The following ARHGEF11 variants were observed in gnomAD, a reference collection of about 807,000 sequenced individuals.
The protein encoded by ARHGEF11 is Rho guanine exchange factor (GEF) 11.
ARHGEF11 carries 55 observed loss-of-function variants against 193.7 expected under a neutral mutation model. That is an observed-to-expected ratio of 0.28 (90% confidence interval 0.23 to 0.36). The LOEUF (loss-of-function observed/expected upper bound fraction) is 0.36, where lower values mean the gene tolerates loss of function less well. ARHGEF11 is among the 10% of genes least tolerant of loss of function. The pLI is 1.00. For synonymous variants in ARHGEF11, 693 were observed against 768.0 expected, an observed-to-expected ratio of 0.90 and a Z score of 1.62; for missense variants, 1,723 against 2,005.6, an observed-to-expected ratio of 0.86 and a Z score of 2.69.
intron 1 of ARHGEF11, among the ~76,000 whole-genome samples, chr1:157,008,412 A>G (rs1037094808): frequency 7.3e-4 from 109 of 149,138 alleles, no homozygotes; most frequent in Non-Finnish European, 1.3e-3. Context: ...GCACGCACAC[A>G]CACACACACA....
At chr1:157,043,696 G>A (rs890621224) in intron 1 of ARHGEF11, among the ~76,000 whole-genome samples, 1 of 152,220 alleles carries the variant, frequency 6.6e-6, no homozygotes, top group Non-Finnish European at 1.5e-5. Flanking sequence ...GCTTGGAGGA[G>A]AGGAAATTCT....
chr1:156,980,543 C>A lies in ARHGEF11; in HGVS notation c.224-57G>T, dbSNP rs368852567. On this transcript the variant is annotated intron_variant, in intron 3 of 40. Transcript: ENST00000368194. ...AACAACCTCTTCCACTGAAGCTACA[C>A]GAAGGTCCCTGTCAGATCACCTCTC... 3.7e-5 allele frequency: 57 copies of A among 1,544,120 alleles called. No individual in the cohort carries two copies. The African/African-American group carries it at 4.9e-4, about 13-fold the overall frequency.
chr1:156,983,246 G>A (rs930599293), intron 3 of ARHGEF11, among the ~76,000 whole-genome samples: 8 of 151,402 alleles, frequency 5.3e-5, no homozygotes, highest in African/African-American at 7.3e-5. Context: ...TTTTTGAGAC[G>A]GAGTCTCGCT....
intron 7 of ARHGEF11, 98 bp from the exon 8 acceptor site, chr1:156,971,914 C>T (rs1662548466): frequency 7.1e-7 from 1 of 1,409,810 alleles, no homozygotes; most frequent in East Asian, 2.4e-5. Flanking sequence ...GGCAGTTATC[C>T]CAAAACAAAG....
chr1:157,037,001 A>G (rs1304769033), intron 1 of ARHGEF11, among the ~76,000 whole-genome samples: 1 of 151,992 alleles, frequency 6.6e-6, no homozygotes, highest in Non-Finnish European at 1.5e-5. Context: ...GGGATCAGGC[A>G]CCTGTAATCC....
At chr1:156,961,628 T>C (rs376067087) in intron 14 of ARHGEF11, 49 bp downstream of exon 14, 2 of 1,532,060 alleles carry the variant, frequency 1.3e-6, no homozygotes, top group Non-Finnish European at 1.8e-6. Flanking sequence ...TGCCTCTGAG[T>C]AGTTCAAAGA....
At chr1:156,986,658 G>A (rs1402028260) in intron 1 of ARHGEF11, among the ~76,000 whole-genome samples, 8 of 152,186 alleles carry the variant, frequency 5.3e-5, no homozygotes, top group Non-Finnish European at 1.0e-4. Flanking sequence ...ACATACAGAG[G>A]TCTGCATGAG....
At chr1:156,968,859 C>G (rs1662107002) in intron 10 of ARHGEF11, among the ~76,000 whole-genome samples, 1 of 152,102 alleles carries the variant, frequency 6.6e-6, no homozygotes, top group Non-Finnish European at 1.5e-5. Context: ...AGAAAAAGAT[C>G]CACAGCAAAA....
chr1:156,955,372 C>A (rs1659797068), intron 20 of ARHGEF11, among the ~76,000 whole-genome samples: 1 of 152,112 alleles, frequency 6.6e-6, no homozygotes, highest in Non-Finnish European at 1.5e-5. Flanking sequence ...AATTATAGAC[C>A]CTTGGATGAA....
chr1:157,026,817 T>C (rs1227995582), intron 1 of ARHGEF11, among the ~76,000 whole-genome samples: 1 of 152,238 alleles, frequency 6.6e-6, no homozygotes, highest in African/African-American at 2.4e-5. Flanking sequence ...ACTGTTATTA[T>C]GGATCTATCC....
intron 8 of ARHGEF11, 111 bp from the exon 9 acceptor site, chr1:156,970,154 C>A: frequency 1.1e-6 from 1 of 875,092 alleles, no homozygotes; most frequent in East Asian, 2.5e-5. Flanking sequence ...TCTTCCGCTT[C>A]ATTGCCTCAA....
At chr1:156,996,597 C>T (rs976442601) in intron 1 of ARHGEF11, among the ~76,000 whole-genome samples, 1 of 151,634 alleles carries the variant, frequency 6.6e-6, no homozygotes, top group African/African-American at 2.4e-5. Context: ...CACGGTGAAA[C>T]CCCGTCTCTA....
chr1:157,010,566 C>T (rs893438822), intron 1 of ARHGEF11, among the ~76,000 whole-genome samples: 1 of 142,226 alleles, frequency 7.0e-6, no homozygotes, highest in South Asian at 2.5e-4. Flanking sequence ...ATTAGCCTGG[C>T]TAATTTTTAT....
intron 1 of ARHGEF11, among the ~76,000 whole-genome samples, chr1:157,035,362 C>T (rs1750802): frequency 5.9e-5 from 9 of 151,628 alleles, no homozygotes; most frequent in Non-Finnish European, 5.9e-5. Flanking sequence ...GCCCTAACAA[C>T]ACTCACCGTA....
chr1:157,038,709 A>C (rs1347649705), intron 1 of ARHGEF11, among the ~76,000 whole-genome samples: 1 of 152,154 alleles, frequency 6.6e-6, no homozygotes, highest in East Asian at 1.9e-4. Context: ...TAGTACAATA[A>C]ATTGGGGTAT....
chr1:157,005,561 C>A (rs1667724820), intron 1 of ARHGEF11, among the ~76,000 whole-genome samples: 1 of 152,168 alleles, frequency 6.6e-6, no homozygotes, highest in African/African-American at 2.4e-5. Flanking sequence ...GAAATGCCCC[C>A]AAACAGTTCT....
chr1:156,962,902 A>AC (rs1661151868), intron 13 of ARHGEF11, among the ~76,000 whole-genome samples: 1 of 150,926 alleles, frequency 6.6e-6, no homozygotes, highest in Non-Finnish European at 1.5e-5. Context: ...AAAAAAAAAA[A>AC]AAAAAACTCT....
In ARHGEF11 at chr1:156,977,031, G is replaced by A; in HGVS notation, c.534C>T (p.Ala178=). 2.5e-6 allele frequency: 4 copies of A among 1,613,956 alleles called. No homozygotes were observed. The highest frequency in any genetic ancestry group is 3.4e-6 in the Non-Finnish European group (4 of 1,179,938). ...TCAGCATATTCCTGAGGATCTGGGTGGCATGTTTTTGAACTTCGGGATCCT... is the reference window on the plus strand; with the variant it reads ...TCAGCATATTCCTGAGGATCTGGGTAGCATGTTTTTGAACTTCGGGATCCT... The part of the protein sequence containing the change: ...PLQDPEVQKH[A]TQILRNMLRQ... The change falls in exon 7 of 41, where the codon GCC becomes GCT. Residue 178 remains alanine, a synonymous_variant. Transcript: ENST00000368194.
rs1663546288 is a variant in ARHGEF11, at chr1:156,978,214, T to C, written c.500A>G (p.Lys167Arg). 1.9e-6 allele frequency: 3 copies of C among 1,614,124 alleles called. No homozygotes were observed. Among genetic ancestry groups the C allele is most frequent in the South Asian group, 1.1e-5 (1 of 91,070 alleles). ...LPPPQRITGP[K>R]PLQDPEVQKH... ...CAGGAGGATTATTACCTGCAGAGGT[T>C]TGGGTCCTGTGATGCGTTGTGGAGG... The change falls in exon 6 of 41, where the codon AAA (lysine) becomes AGA (arginine). Residue 167 changes from lysine to arginine, a missense_variant. This residue lies in a region of ARHGEF11 where 646 missense variants were observed against 710.7 expected (regional missense o/e 0.91). Coordinates refer to ENST00000368194, the MANE Select transcript of ARHGEF11 (RefSeq NM_198236.3).
Sources: gnomAD v4.1 joint callset for allele counts (sites outside exome capture counted in the v4.1 genomes callset) on GRCh38, gnomAD v4.1.1 for gene constraint, gnomAD v4.1.1 regional missense constraint, MANE v1.5 for transcripts, NCBI Gene and HGNC (gene_info 2026-07-23, HGNC 2026-07-21) for gene names.